The following SIRT5 variants were observed in gnomAD, a reference collection of about 807,000 sequenced individuals.
SIRT5 encodes the protein NAD-dependent protein deacylase sirtuin-5, mitochondrial.
A neutral mutation model predicts 40.0 loss-of-function variants in SIRT5; 26 were observed. The ratio of observed to expected loss-of-function variants is 0.65; its 90% CI spans 0.48 to 0.90. SIRT5 has a LOEUF of 0.90. Ranked by LOEUF, SIRT5 falls within the 40% of genes least tolerant of loss-of-function variation. SIRT5 has a pLI of 0.00. For missense variants in SIRT5, 401 were observed against 402.4 expected, an observed-to-expected ratio of 1.00 and a Z score of 0.03; for synonymous variants, 146 against 149.1, an observed-to-expected ratio of 0.98 and a Z score of 0.15.
intron 2 of SIRT5, among the ~76,000 whole-genome samples, chr6:13,580,892 C>T (rs997605779): frequency 1.3e-5 from 2 of 152,184 alleles, no homozygotes; most frequent in Admixed American, 6.5e-5. Flanking sequence ...AACTCCTGGG[C>T]TCAAGTGATC....
chr6:13,575,882 A>G (rs762290726), intron 1 of SIRT5, among the ~76,000 whole-genome samples: 16 of 152,130 alleles, frequency 1.1e-4, no homozygotes, highest in Non-Finnish European at 2.1e-4. Flanking sequence ...TTAGACCCCA[A>G]GTATATAAGT....
rs756495379 is a variant in SIRT5, at chr6:13,599,122, C to CA, written c.709dup (p.Arg237LysfsTer7). 1.2e-6 allele frequency: 2 copies of CA among 1,614,082 alleles called. No homozygotes were observed. Among genetic ancestry groups the CA allele is most frequent in the Non-Finnish European group, 1.7e-6 (2 of 1,179,988 alleles). ...ATCCTGCCATTCTGGAGGAGGTTGACAGAGAGCTCGCCCACTGTGATTTAT... is the reference window on the plus strand; with the variant it reads ...ATCCTGCCATTCTGGAGGAGGTTGACAAGAGAGCTCGCCCACTGTGATTTAT... On this transcript the variant is annotated frameshift_variant, in exon 8 of 10. Transcript: ENST00000606117. LOFTEE classifies it high-confidence loss of function.
Position 13,591,760 on chromosome 6 carries a change from C to G in SIRT5, c.341C>G (p.Pro114Arg), listed in dbSNP as rs1562270052. Residue 114 changes from proline to arginine, a missense_variant, in exon 5 of 10, where the codon CCC (proline) becomes CGC (arginine). Transcript: ENST00000606117. ...CGGGAGGTCATGGGGAGCAAGGAGC[C>G]CAACGCCGGGCACCGCGCCATAGCC... Reference protein sequence around the residue: ...YRREVMGSKEPNAGHRAIAEC... With the variant: ...YRREVMGSKERNAGHRAIAEC... 6.2e-7 allele frequency: 1 copy of G among 1,613,650 alleles called. No homozygotes were observed. Among genetic ancestry groups the G allele is most frequent in the South Asian group, 1.1e-5 (1 of 91,056 alleles).
In SIRT5 at chr6:13,584,206, A is replaced by G; in HGVS notation, c.96A>G (p.Lys32=). Residue 32 remains lysine (K), a synonymous_variant, in exon 3 of 10, where the codon AAA becomes AAG. Transcript: ENST00000606117. ...CCACACGAAACCAGATTTGCCTGAA[A>G]ATGGCTCGGCCAAGTTCAAGTAAGT... ...PASTRNQICL[K]MARPSSSMAD... 3 of 1,614,098 alleles carry G rather than the reference A, an allele frequency of 1.9e-6. No homozygotes were observed. Among genetic ancestry groups the G allele is most frequent in the Non-Finnish European group, 2.5e-6 (3 of 1,179,982 alleles).
intron 9 of SIRT5, among the ~76,000 whole-genome samples, chr6:13,606,937 C>CTCCCGAAG (rs1763194117): frequency 6.6e-6 from 1 of 151,890 alleles, no homozygotes; most frequent in African/African-American, 2.4e-5. Flanking sequence ...CTGCCTTAGC[C>CTCCCGAAG]TCCCGAAGTG....
At chr6:13,598,080 C>A (rs886961443) in intron 7 of SIRT5, among the ~76,000 whole-genome samples, 2 of 152,200 alleles carry the variant, frequency 1.3e-5, no homozygotes, top group African/African-American at 4.8e-5. Context: ...TATGTTAATG[C>A]TTTACTGGCT....
At chr6:13,598,763 T>C (rs1341461380) in intron 7 of SIRT5, among the ~76,000 whole-genome samples, 1 of 149,332 alleles carries the variant, frequency 6.7e-6, no homozygotes. Context: ...GAGGCAGAGG[T>C]TGCAGTGAGC....
In SIRT5 at chr6:13,614,969, G is replaced by A; in HGVS notation, c.*3104G>A. ...GCTGGATCCACTCGACGGAACCCAG[G>A]GCCAAAAAACGGCGGCGAGCAGCGC... On this transcript the variant is annotated 3_prime_UTR_variant, in exon 10 of 10. Coordinates refer to ENST00000606117, the MANE Select transcript of SIRT5 (RefSeq NM_012241.5). 1 of 204,954 alleles carries A rather than the reference G, an allele frequency of 4.9e-6. No individual in the cohort carries two copies. Among genetic ancestry groups the A allele is most frequent in the Non-Finnish European group, 9.8e-6 (1 of 102,262 alleles). 12.7% of individuals were successfully genotyped at this position (204,954 alleles called of 1,614,324 possible).
rs554821375 is a variant in SIRT5, at chr6:13,587,750, T to C, written c.116-581T>C. Among the ~76,000 whole-genome samples the C allele has an allele frequency of 5.3e-5, 8 of 152,306 alleles. No homozygotes were observed. In the South Asian group the frequency reaches 1.5e-3, roughly 28 times the overall value. On this transcript the variant is annotated intron_variant, in intron 3 of 9. Coordinates refer to ENST00000606117, the MANE Select transcript of SIRT5 (RefSeq NM_012241.5). Reference sequence around the variant, plus strand: ...GTCCTGTTGAAAAGTTTGGCTCTCATTTGACTTGTCAAGAAGAAGGCCATG... The same window carrying C: ...GTCCTGTTGAAAAGTTTGGCTCTCACTTGACTTGTCAAGAAGAAGGCCATG...
intron 4 of SIRT5, among the ~76,000 whole-genome samples, chr6:13,591,377 T>A (rs2127656800): frequency 6.6e-6 from 1 of 152,348 alleles, no homozygotes; most frequent in East Asian, 1.9e-4. Context: ...TTACTTCATC[T>A]TCACTACTTA....
At chr6:13,598,249 A>G (rs2127685925) in intron 7 of SIRT5, among the ~76,000 whole-genome samples, 1 of 152,306 alleles carries the variant, frequency 6.6e-6, no homozygotes, top group African/African-American at 2.4e-5. Context: ...TAGGAGGTGT[A>G]TAGAAGGTAA....
chr6:13,581,118 C>T (rs1759293530), intron 2 of SIRT5, among the ~76,000 whole-genome samples: 1 of 152,190 alleles, frequency 6.6e-6, no homozygotes, highest in Non-Finnish European at 1.5e-5. Flanking sequence ...TAAACCAGGA[C>T]AAGTACTACA....
intron 6 of SIRT5, 48 bp downstream of exon 6, chr6:13,595,612 G>A: frequency 2.2e-6 from 3 of 1,336,150 alleles, no homozygotes; most frequent in Non-Finnish European, 2.2e-6. Flanking sequence ...TTCTCCTTTA[G>A]GTTGAACATA....
chr6:13,594,178 G>A (rs2127668477), intron 5 of SIRT5, among the ~76,000 whole-genome samples: 1 of 152,270 alleles, frequency 6.6e-6, no homozygotes, highest in African/African-American at 2.4e-5. Context: ...AGGCCACGGA[G>A]AATAACAACA....
chr6:13,578,860 A>G (rs1758980243), intron 1 of SIRT5, among the ~76,000 whole-genome samples: 1 of 152,182 alleles, frequency 6.6e-6, no homozygotes, highest in Admixed American at 6.5e-5. Flanking sequence ...ATGAAAAGGC[A>G]TCGTTAAATG....
intron 4 of SIRT5, among the ~76,000 whole-genome samples, chr6:13,589,927 A>G (rs1347050779): frequency 1.3e-5 from 2 of 152,152 alleles, no homozygotes; most frequent in Non-Finnish European, 1.5e-5. Context: ...ACGCCTGTGG[A>G]CATATTCCTG....
chr6:13,604,484 T>A, intron 9 of SIRT5: 1 of 1,561,550 alleles, frequency 6.4e-7, no homozygotes, highest in Middle Eastern at 1.7e-4. Context: ...AGTCATTTGA[T>A]CTCCATCTCA....
intron 4 of SIRT5, among the ~76,000 whole-genome samples, chr6:13,590,474 T>C (rs1300766999): frequency 6.6e-6 from 1 of 152,170 alleles, no homozygotes; most frequent in African/African-American, 2.4e-5. Context: ...TGTGTAGCTG[T>C]GTATATATGT....
chr6:13,584,284 A>G, intron 3 of SIRT5, 59 bp downstream of exon 3: 2 of 1,205,344 alleles, frequency 1.7e-6, no homozygotes, highest in Non-Finnish European at 2.5e-6. Flanking sequence ...TGAAAGTCCT[A>G]CACTTCGAGA....
Sources: allele counts gnomAD v4.1 joint callset (sites outside exome capture counted in the v4.1 genomes callset), GRCh38; gene constraint gnomAD v4.1.1; transcripts MANE v1.5; gene names NCBI Gene and HGNC (gene_info 2026-07-23, HGNC 2026-07-21).